FBLN1: variants seen among roughly 807,000 people sequenced by gnomAD.
The protein encoded by FBLN1 is fibulin 1, also known as fibulin-1.
FBLN1 carries 34 observed loss-of-function variants against 89.7 expected under a neutral mutation model. The observed-to-expected ratio is 0.38, with a 90% CI of 0.29 to 0.50. FBLN1 has a LOEUF of 0.50. FBLN1 is among the 20% of genes least tolerant of loss of function. The pLI is 0.92. For synonymous variants in FBLN1, 393 were observed against 391.3 expected, an observed-to-expected ratio of 1.00 and a Z score of -0.05; for missense variants, 777 against 988.1, an observed-to-expected ratio of 0.79 and a Z score of 2.86.
At chr22:45,507,645 A>C (rs1391758025) in intron 1 of FBLN1, among the ~76,000 whole-genome samples, 1 of 152,128 alleles carries the variant, frequency 6.6e-6, no homozygotes, top group African/African-American at 2.4e-5. Context: ...CTCCTGCCTC[A>C]GTCTCCTGAG....
rs2089008540 is a variant in FBLN1 at position 45,577,559 on chromosome 22, C to T, written c.1972+451C>T. Among the ~76,000 whole-genome samples, 1 of 152,260 alleles carries T rather than the reference C, an allele frequency of 6.6e-6. No homozygotes were observed. The highest frequency in any genetic ancestry group is 1.5e-5 in the Non-Finnish European group (1 of 68,050). On this transcript the variant is annotated intron_variant, in intron 16 of 16. Transcript: ENST00000327858. This position sits in a 1 kb window ranked among gnomAD's most constrained non-coding sequence, Gnocchi z 6.6. ...GGAATCAGAGGGCCTGAGCTCTGGT[C>T]TCTCAGCCTTGGAACTAGCTGGATT...
rs2088432689 is a variant in FBLN1 at position 45,533,178 on chromosome 22, C to T, written c.646+14C>T. 1 of 1,609,116 alleles carries T rather than the reference C, an allele frequency of 6.2e-7. No homozygotes were observed. The highest frequency in any genetic ancestry group is 1.3e-5 in the African/African-American group (1 of 74,806). On this transcript the variant is annotated intron_variant, in intron 6 of 16. Coordinates refer to ENST00000327858, the MANE Select transcript of FBLN1 (RefSeq NM_006486.3). ...TCTCCTGTGAAGGTAATGTCCCTAT[C>T]CCAGGTGCCAGCAGGACTGGCCGGT...
At chr22:45,565,164 T>A in intron 14 of FBLN1, 1 of 1,562,452 alleles carries the variant, frequency 6.4e-7, no homozygotes, top group Non-Finnish European at 8.6e-7. Flanking sequence ...TTGTAGTACA[T>A]TCTCCAAGAT....
At position 45,503,033 on chromosome 22, in the gene FBLN1, G is replaced by A; in HGVS notation, c.48G>A (p.Leu16=). Residue 16 remains leucine (L), a synonymous_variant, in exon 1 of 17, where the codon CTG becomes CTA. Transcript: ENST00000327858. The stretch of plus-strand genomic sequence containing the variant: ...GCCGGGTCCCGCTTCCGCTGCTGCT[G>A]CTCGGCGGCCTTGCGCTGCTGGCGG... ...PSRRVPLPLL[L]LGGLALLAAG... is the part of the protein sequence containing the mutation. 1 of 1,253,446 alleles carries A rather than the reference G, an allele frequency of 8.0e-7. No homozygotes were observed. Among genetic ancestry groups the A allele is most frequent in the Non-Finnish European group, 1.0e-6 (1 of 1,000,130 alleles). The allele number at this position is 1,253,446 out of a possible 1,614,324, so 77.6% of individuals were successfully genotyped here.
At position 45,549,792 on chromosome 22, in the gene FBLN1, T is replaced by TC. The variant is rs1434155286; in HGVS notation, c.1574-695dup. On this transcript the variant is annotated intron_variant, in intron 13 of 16. Coordinates refer to ENST00000327858, the MANE Select transcript of FBLN1 (RefSeq NM_006486.3). This position sits in a 1 kb window ranked among gnomAD's most constrained non-coding sequence, Gnocchi z 5.7. ...CCAGAGTCTATGGGAGTTGGGCTGCTCCCCCATCTCCAGGGGCCTCTCAGT... is the reference window on the plus strand; with the variant it reads ...CCAGAGTCTATGGGAGTTGGGCTGCTCCCCCCATCTCCAGGGGCCTCTCAGT... Among the ~76,000 whole-genome samples, 3 of 151,960 alleles carry TC rather than the reference T, an allele frequency of 2.0e-5. No homozygotes were observed. Among genetic ancestry groups the TC allele is most frequent in the Admixed American group, 6.6e-5 (1 of 15,262 alleles).
intron 14 of FBLN1, among the ~76,000 whole-genome samples, chr22:45,573,680 CAAAAA>C (rs60082908): frequency 1.5e-4 from 9 of 58,942 alleles, no homozygotes; most frequent in African/African-American, 6.2e-4. Context: ...GACTCTGTCT[CAAAAA>C]AAAAAAAAAA....
At chr22:45,538,235 G>A (rs146275573) in intron 8 of FBLN1, among the ~76,000 whole-genome samples, 7 of 152,374 alleles carry the variant, frequency 4.6e-5, no homozygotes, top group Non-Finnish European at 1.0e-4. Context: ...CTGGGATGAG[G>A]ATGGGGTTCC....
intron 16 of FBLN1, among the ~76,000 whole-genome samples, chr22:45,582,616 A>C (rs941156407): frequency 3.3e-5 from 5 of 152,178 alleles, no homozygotes; most frequent in Non-Finnish European, 5.9e-5. Flanking sequence ...GTGCAGATAG[A>C]TGCTGGGGCT....
Position 45,556,289 on chromosome 22 carries a change from C to A in FBLN1, c.1697+5674C>A, listed in dbSNP as rs781208747. ...GGGATTACAGTCGTGAGCCACAGCA[C>A]CTGGCCATGTTTTTAAAAGAAGGAG... On this transcript the variant is annotated intron_variant, in intron 14 of 16. Coordinates refer to ENST00000327858, the MANE Select transcript of FBLN1 (RefSeq NM_006486.3). This position sits in a 1 kb window ranked among gnomAD's most constrained non-coding sequence, Gnocchi z 4.6. Among the ~76,000 whole-genome samples the A allele has an allele frequency of 6.6e-6, 1 of 152,194 alleles. No homozygotes were observed. The highest frequency in any genetic ancestry group is 6.5e-5 in the Admixed American group (1 of 15,280).
chr22:45,596,625 AATAAT>A (rs1187838389), intron 16 of FBLN1, among the ~76,000 whole-genome samples: 3 of 143,668 alleles, frequency 2.1e-5, no homozygotes, highest in African/African-American at 5.0e-5. Flanking sequence ...ATATCAACAT[AATAAT>A]ATAATTATAT....
chr22:45,529,412 T>C (rs2088373549), intron 4 of FBLN1, among the ~76,000 whole-genome samples: 1 of 152,236 alleles, frequency 6.6e-6, no homozygotes, highest in African/African-American at 2.4e-5. Flanking sequence ...CAGGAGACTT[T>C]GTGGCTGTCC....
Position 45,550,847 on chromosome 22 carries a change from C to A in FBLN1, c.1697+232C>A. 1.6e-6 allele frequency: 1 copy of A among 608,146 alleles called. No individual in the cohort carries two copies. Among genetic ancestry groups the A allele is most frequent in the Non-Finnish European group, 2.9e-6 (1 of 340,464 alleles). 37.7% of individuals were successfully genotyped at this position (608,146 alleles called of 1,614,324 possible). On this transcript the variant is annotated intron_variant, in intron 14 of 16. Coordinates refer to ENST00000327858, the MANE Select transcript of FBLN1 (RefSeq NM_006486.3). This position sits in a 1 kb window ranked among gnomAD's most constrained non-coding sequence, Gnocchi z 8.4. ...AGTCTGGGGTCTATAGTCATGTTTT[C>A]AGGCCAAGGCTGTGCACAGAACCAG...
chr22:45,535,086 G>A (rs1345486273), intron 7 of FBLN1, 114 bp from the exon 8 acceptor site: 3 of 1,195,284 alleles, frequency 2.5e-6, no homozygotes, highest in Non-Finnish European at 3.7e-6. Context: ...GAATGTTTTG[G>A]GTTATAGTCT....
At chr22:45,523,014 T>C (rs893295356) in intron 2 of FBLN1, 2 of 602,592 alleles carry the variant, frequency 3.3e-6, no homozygotes, top group Middle Eastern at 2.7e-4. Flanking sequence ...TCTGATGGTT[T>C]GTAGGAAGGC....
Position 45,556,988 on chromosome 22 carries a change from C to T in FBLN1, c.1697+6373C>T, listed in dbSNP as rs187775295. ...AGTGCCATAATATTGGACCCTGATT[C>T]AGAGCATACATGGCCTTCTGTAGAA... On this transcript the variant is annotated intron_variant, in intron 14 of 16. Coordinates refer to ENST00000327858, the MANE Select transcript of FBLN1 (RefSeq NM_006486.3). This position sits in a 1 kb window ranked among gnomAD's most constrained non-coding sequence, Gnocchi z 4.6. Among the ~76,000 whole-genome samples, 88 of 152,272 alleles carry T rather than the reference C, an allele frequency of 5.8e-4. No individual in the cohort carries two copies. The highest frequency in any genetic ancestry group is 5.6e-3 in the East Asian group (29 of 5,190).
At position 45,561,910 on chromosome 22, in the gene FBLN1, C is replaced by G. The variant is rs1292320792; in HGVS notation, c.1697+11295C>G. 2.0e-5 allele frequency among the ~76,000 whole-genome samples: 3 copies of G among 152,250 alleles called. No homozygotes were observed. The East Asian group carries it at 5.8e-4, about 29-fold the overall frequency. Reference sequence around the variant, plus strand: ...GAAAGATGTAGGCTGGGAGGCTAGGCCAGTCTCTCCTATCACATTTTTCTG... The same window carrying G: ...GAAAGATGTAGGCTGGGAGGCTAGGGCAGTCTCTCCTATCACATTTTTCTG... On this transcript the variant is annotated intron_variant, in intron 14 of 16. Transcript: ENST00000327858. This position sits in a 1 kb window ranked among gnomAD's most constrained non-coding sequence, Gnocchi z 4.7.
At chr22:45,519,897 C>T (rs947192648) in intron 2 of FBLN1, among the ~76,000 whole-genome samples, 5 of 151,970 alleles carry the variant, frequency 3.3e-5, no homozygotes, top group Admixed American at 1.3e-4. Context: ...CACCCGGGCG[C>T]GGTGGCTCAC....
At chr22:45,504,623 A>G (rs1602153765) in intron 1 of FBLN1, among the ~76,000 whole-genome samples, 1 of 152,178 alleles carries the variant, frequency 6.6e-6, no homozygotes, top group Non-Finnish European at 1.5e-5. Flanking sequence ...AGGGCCTGAG[A>G]GAAGGCGTGG....
At chr22:45,599,578 A>G (rs1453618998) in intron 16 of FBLN1, among the ~76,000 whole-genome samples, 1 of 152,152 alleles carries the variant, frequency 6.6e-6, no homozygotes, top group Admixed American at 6.5e-5. Flanking sequence ...AAAGATGTCT[A>G]TCAGGTACCC....
Sources: gnomAD v4.1 joint callset for allele counts (sites outside exome capture counted in the v4.1 genomes callset) on GRCh38, gnomAD v4.1.1 for gene constraint, Gnocchi (gnomAD v3.1) non-coding constraint, MANE v1.5 for transcripts, NCBI Gene and HGNC (gene_info 2026-07-23, HGNC 2026-07-21) for gene names.